The following CDK14 variants were observed in gnomAD, a reference collection of about 807,000 sequenced individuals.
CDK14 encodes cyclin dependent kinase 14.
A neutral mutation model predicts 60.7 loss-of-function variants in CDK14; 34 were observed. That is an observed-to-expected ratio of 0.56 (90% CI 0.43 to 0.75). The LOEUF is 0.75. Ranked by LOEUF, CDK14 falls within the 30% of genes least tolerant of loss-of-function variation. CDK14 has a pLI of 0.00. For missense variants in CDK14, 482 were observed against 564.1 expected (o/e 0.85, Z 1.47); for synonymous variants, 197 against 203.7 (o/e 0.97, Z 0.28).
chr7:90,822,315 T>G (rs1200749101), intron 5 of CDK14, among the ~76,000 whole-genome samples: 1 of 152,232 alleles, frequency 6.6e-6, no homozygotes, highest in Non-Finnish European at 1.5e-5. Flanking sequence ...TGAGCTCCAC[T>G]GGTGAACTTC....
chr7:91,007,198 C>T (rs1049826281), intron 10 of CDK14, among the ~76,000 whole-genome samples: 1 of 152,250 alleles, frequency 6.6e-6, no homozygotes, highest in African/African-American at 2.4e-5. Flanking sequence ...GTGTTACTGA[C>T]TCTCCACTAG....
chr7:90,625,116 A>C (rs1263885108), intron 2 of CDK14, among the ~76,000 whole-genome samples: 1 of 152,134 alleles, frequency 6.6e-6, no homozygotes, highest in East Asian at 1.9e-4. Flanking sequence ...GCTTCGGGAG[A>C]TCAAGGAAGG....
At chr7:90,805,194 G>C (rs1329034021) in intron 5 of CDK14, among the ~76,000 whole-genome samples, 7 of 152,060 alleles carry the variant, frequency 4.6e-5, no homozygotes, top group Admixed American at 3.9e-4. Flanking sequence ...TAAACTTCTT[G>C]TCATGATAGT....
At chr7:91,103,537 C>T (rs1799200768) in intron 12 of CDK14, among the ~76,000 whole-genome samples, 3 of 152,110 alleles carry the variant, frequency 2.0e-5, no homozygotes, top group Admixed American at 2.0e-4. Context: ...TCATTGGTGG[C>T]AGAGCAGGAA....
At chr7:90,686,815 C>A (rs577641277) in intron 2 of CDK14, among the ~76,000 whole-genome samples, 1 of 151,922 alleles carries the variant, frequency 6.6e-6, no homozygotes, top group Non-Finnish European at 1.5e-5. Flanking sequence ...ATCAATGGAA[C>A]TTTTTTTTGT....
chr7:90,934,164 C>T (rs1442725292), intron 8 of CDK14, among the ~76,000 whole-genome samples: 1 of 152,208 alleles, frequency 6.6e-6, no homozygotes, highest in Non-Finnish European at 1.5e-5. Flanking sequence ...AGCAGTGGCA[C>T]AAGAGGGTTT....
At position 91,205,865 on chromosome 7, in the gene CDK14, G is replaced by A. The variant is rs538550233; in HGVS notation, c.*29-1300G>A. On this transcript the variant is annotated intron_variant, in intron 14 of 14. Transcript: ENST00000380050. The stretch of plus-strand genomic sequence containing the variant: ...GGCTGGGGTGCCGTGGCACAATCTC[G>A]GCTCACTGCAACCTCTGCCTCCTGG... 3.4e-3 allele frequency among the ~76,000 whole-genome samples: 516 copies of A among 151,952 alleles called. 2 individuals carry two copies. The highest frequency in any genetic ancestry group is 6.3e-3 in the Non-Finnish European group (429 of 67,956).
chr7:90,999,204 G>A (rs1795773623), intron 10 of CDK14, among the ~76,000 whole-genome samples: 2 of 152,128 alleles, frequency 1.3e-5, no homozygotes, highest in Admixed American at 6.5e-5. Context: ...CATTAAAACT[G>A]TAGCAGGAGG....
At chr7:90,963,681 T>G (rs1329825530) in intron 9 of CDK14, among the ~76,000 whole-genome samples, 1 of 81,528 alleles carries the variant, frequency 1.2e-5, no homozygotes, top group African/African-American at 4.6e-5. Context: ...AAGACAAAGG[T>G]TTTTTTTTTT....
At chr7:91,141,248 G>A (rs776728916) in intron 14 of CDK14, among the ~76,000 whole-genome samples, 1 of 152,182 alleles carries the variant, frequency 6.6e-6, no homozygotes, top group Non-Finnish European at 1.5e-5. Flanking sequence ...TCAGTGTGAC[G>A]TAGTCATGTA....
intron 8 of CDK14, among the ~76,000 whole-genome samples, chr7:90,947,828 A>G (rs1263888980): frequency 6.6e-6 from 1 of 152,188 alleles, no homozygotes; most frequent in Non-Finnish European, 1.5e-5. Context: ...TAACAAGAGC[A>G]TATGTTGTCA....
intron 1 of CDK14, among the ~76,000 whole-genome samples, chr7:90,598,736 G>C (rs1799250935): frequency 1.4e-5 from 1 of 70,258 alleles, no homozygotes; most frequent in Admixed American, 1.6e-4. Flanking sequence ...ACGGAGTCTC[G>C]CTCTGTCGCC....
intron 5 of CDK14, among the ~76,000 whole-genome samples, chr7:90,836,197 A>G (rs749252537): frequency 3.9e-5 from 6 of 152,184 alleles, no homozygotes; most frequent in Non-Finnish European, 8.8e-5. Flanking sequence ...TTAGCTTACC[A>G]TTAATTTTTT....
At chr7:90,642,399 A>G (rs962328262) in intron 2 of CDK14, among the ~76,000 whole-genome samples, 12 of 152,180 alleles carry the variant, frequency 7.9e-5, no homozygotes, top group Non-Finnish European at 1.3e-4. Flanking sequence ...TTCCCCCTAT[A>G]TAAGTACTTT....
intron 10 of CDK14, among the ~76,000 whole-genome samples, chr7:91,037,506 G>A (rs1023661707): frequency 6.6e-6 from 1 of 152,192 alleles, no homozygotes; most frequent in African/African-American, 2.4e-5. Context: ...CTTCTAGGGT[G>A]TGGTCAGGTG....
intron 1 of CDK14, among the ~76,000 whole-genome samples, chr7:90,598,567 G>A (rs971777889): frequency 6.6e-6 from 1 of 152,122 alleles, no homozygotes; most frequent in African/African-American, 2.4e-5. Flanking sequence ...AGATATTGAA[G>A]TGATTATAGT....
chr7:91,143,124 T>C (rs1800517027), intron 14 of CDK14, among the ~76,000 whole-genome samples: 1 of 152,172 alleles, frequency 6.6e-6, no homozygotes, highest in South Asian at 2.1e-4. Flanking sequence ...AGCTAAAACT[T>C]GAAGACTAGG....
intron 4 of CDK14, among the ~76,000 whole-genome samples, chr7:90,784,570 G>T (rs1444057341): frequency 2.0e-5 from 3 of 152,076 alleles, no homozygotes; most frequent in African/African-American, 7.2e-5. Context: ...TTTTTAAAAA[G>T]AAATTAATTT....
chr7:91,154,880 T>C (rs1800939730), intron 14 of CDK14, among the ~76,000 whole-genome samples: 1 of 152,198 alleles, frequency 6.6e-6, no homozygotes, highest in South Asian at 2.1e-4. Context: ...ATTGGCTATA[T>C]AGGCCAAAGA....
Sources: gnomAD v4.1 joint callset for allele counts (sites outside exome capture counted in the v4.1 genomes callset) on GRCh38, gnomAD v4.1.1 for gene constraint, MANE v1.5 for transcripts, NCBI Gene and HGNC (gene_info 2026-07-23, HGNC 2026-07-21) for gene names.